Variants in RAD54L2 observed in about 807,000 individuals in gnomAD.
The protein encoded by RAD54L2 is RAD54 like 2, also known as helicase ARIP4.
Under a neutral mutation model 138.4 loss-of-function variants are expected in RAD54L2, and 27 were observed. The ratio of observed to expected loss-of-function variants is 0.20; its 90% CI spans 0.14 to 0.27. The LOEUF is 0.27. Ranked by LOEUF, RAD54L2 falls within the 10% of genes least tolerant of loss-of-function variation. RAD54L2 has a pLI of 1.00. For synonymous variants in RAD54L2, 644 were observed against 723.2 expected (o/e 0.89, Z 1.76); for missense variants, 1,396 against 1,890.2 (o/e 0.74, Z 4.85).
At chr3:51,590,136 G>A (rs1047643138) in intron 2 of RAD54L2, among the ~76,000 whole-genome samples, 4 of 152,080 alleles carry the variant, frequency 2.6e-5, no homozygotes, top group African/African-American at 9.7e-5. Flanking sequence ...GATTACAGGT[G>A]TGTGCCACCA....
At chr3:51,619,961 C>G (rs1700530912) in intron 3 of RAD54L2, among the ~76,000 whole-genome samples, 1 of 152,158 alleles carries the variant, frequency 6.6e-6, no homozygotes, top group South Asian at 2.1e-4. Context: ...TTTTTGTAAA[C>G]TAAGAGTGAG....
chr3:51,577,853 G>T (rs1039015982), intron 2 of RAD54L2, among the ~76,000 whole-genome samples: 23 of 152,086 alleles, frequency 1.5e-4, no homozygotes, highest in African/African-American at 5.6e-4. Flanking sequence ...TGTCGCTTAC[G>T]CTGGGAGCTG....
At chr3:51,569,910 C>T (rs908840737) in intron 2 of RAD54L2, among the ~76,000 whole-genome samples, 18 of 152,084 alleles carry the variant, frequency 1.2e-4, no homozygotes, top group African/African-American at 4.3e-4. Context: ...TCACAATTCA[C>T]TGCAGCCTTG....
intron 7 of RAD54L2, among the ~76,000 whole-genome samples, chr3:51,632,018 A>AT (rs569610614): frequency 1.9e-4 from 29 of 151,682 alleles, no homozygotes; most frequent in Admixed American, 5.9e-4. Context: ...TTACCATTCT[A>AT]TTTTCTACTT....
In RAD54L2 at chr3:51,655,913, G is replaced by A; in HGVS notation, c.3027-58G>A. 6 of 1,462,038 alleles carry A rather than the reference G, an allele frequency of 4.1e-6. No homozygotes were observed. The South Asian group carries it at 7.8e-5, about 19-fold the overall frequency. The allele number at this position is 1,462,038 out of a possible 1,614,324, so 90.6% of individuals were successfully genotyped here. A position where few individuals can be genotyped will look rare whatever the true frequency, so the allele number is the denominator to read the frequency against. On this transcript the variant is annotated intron_variant, in intron 19 of 22. Transcript: ENST00000684192. ...AGCCTAGAAAGGCTCTGTAGCCTTT[G>A]GAAAAGGTAACAGTTGTTCTGCCAA...
intron 3 of RAD54L2, among the ~76,000 whole-genome samples, chr3:51,600,705 G>A (rs558587753): frequency 2.0e-5 from 3 of 152,236 alleles, no homozygotes; most frequent in Admixed American, 1.3e-4. Flanking sequence ...GGTGGCTCAC[G>A]CCTGTAATCT....
intron 2 of RAD54L2, among the ~76,000 whole-genome samples, chr3:51,561,650 C>T (rs984465129): frequency 1.3e-5 from 2 of 151,862 alleles, no homozygotes; most frequent in South Asian, 4.2e-4. Flanking sequence ...CAGCCTCAAC[C>T]TCCCAGGCTC....
At position 51,639,885 on chromosome 3, in the gene RAD54L2, A is replaced by C. The variant is rs1328774980; in HGVS notation, c.2117A>C (p.Lys706Thr). 8 of 1,600,096 alleles carry C rather than the reference A, an allele frequency of 5.0e-6. No individual in the cohort carries two copies. The highest frequency in any genetic ancestry group is 6.8e-6 in the Non-Finnish European group (8 of 1,169,570). The part of the protein sequence containing the change: ...GNNIVTYEWA[K>T]DLLTNYQTGV... ...TGCCTTGTTTCTCTCTTGCAGGCCA[A>C]GGACCTTCTGACTAATTACCAGACT... Residue 706 changes from lysine (K) to threonine (T), a missense_variant, in exon 14 of 23, where the codon AAG becomes ACG. By Grantham distance (78) the Lys-to-Thr change is moderately conservative. Transcript: ENST00000684192.
chr3:51,545,931 C>CTTTTTTT (rs781819728), intron 2 of RAD54L2, among the ~76,000 whole-genome samples: 7 of 79,450 alleles, frequency 8.8e-5, no homozygotes, highest in African/African-American at 2.0e-4. Flanking sequence ...TACATCAATT[C>CTTTTTTT]TTTTTTTTTT....
intron 19 of RAD54L2, among the ~76,000 whole-genome samples, chr3:51,653,563 A>G (rs2106841020): frequency 6.6e-6 from 1 of 152,376 alleles, no homozygotes; most frequent in African/African-American, 2.4e-5. Flanking sequence ...TGAATTAAGA[A>G]AATGTGGCAC....
At chr3:51,635,290 T>TGAC (rs1700958067) in intron 9 of RAD54L2, among the ~76,000 whole-genome samples, 2 of 152,208 alleles carry the variant, frequency 1.3e-5, no homozygotes, top group Non-Finnish European at 2.9e-5. Context: ...CATGCCTGAA[T>TGAC]ATCCAAGGGG....
chr3:51,548,252 G>A (rs138054025), intron 2 of RAD54L2, among the ~76,000 whole-genome samples: 23 of 151,866 alleles, frequency 1.5e-4, no homozygotes, highest in African/African-American at 4.8e-4. Flanking sequence ...GCAGTGGCAC[G>A]ATCTCAGCTC....
At chr3:51,652,350 A>G (rs770291474) in intron 19 of RAD54L2, among the ~76,000 whole-genome samples, 31 of 152,232 alleles carry the variant, frequency 2.0e-4, no homozygotes, top group Admixed American at 1.9e-3. Context: ...GAAAATGGCC[A>G]TACTGCCCAA....
intron 2 of RAD54L2, among the ~76,000 whole-genome samples, chr3:51,553,186 T>G (rs1045078868): frequency 1.3e-5 from 2 of 152,152 alleles, no homozygotes; most frequent in African/African-American, 4.8e-5. Context: ...CAAGTGATTC[T>G]CCTGCCTCAG....
intron 3 of RAD54L2, among the ~76,000 whole-genome samples, chr3:51,611,880 C>T (rs1483681336): frequency 3.9e-5 from 6 of 152,004 alleles, no homozygotes; most frequent in East Asian, 1.9e-4. Flanking sequence ...TCATACAGTA[C>T]TTTTGAATGA....
rs182308457 is a variant in RAD54L2, at chr3:51,599,117, C to A, written c.139+8558C>A. Among the ~76,000 whole-genome samples, 1,409 of 152,240 alleles carry A rather than the reference C, an allele frequency of 9.3e-3. 10 individuals carry two copies. The highest frequency in any genetic ancestry group is 0.014 in the Non-Finnish European group (956 of 68,018). ...AGTGTTAGAATTGATTTGGAGGACA[C>A]CTAGCTGATACCTACTGCAGAATTA... On this transcript the variant is annotated intron_variant, in intron 3 of 22. Transcript: ENST00000684192.
intron 18 of RAD54L2, 102 bp from the exon 19 acceptor site, chr3:51,646,183 C>T (rs926847043): frequency 2.0e-5 from 21 of 1,055,492 alleles, no homozygotes; most frequent in East Asian, 1.0e-4. Flanking sequence ...GCAGTCTCTT[C>T]GCTAGTGCTG....
chr3:51,641,929 C>T (rs1343353189), intron 15 of RAD54L2, 62 bp downstream of exon 15: 7 of 1,153,076 alleles, frequency 6.1e-6, no homozygotes, highest in Non-Finnish European at 6.3e-6. Flanking sequence ...GTTTCCTTTC[C>T]TTCTCTCTCT....
At chr3:51,612,567 C>A (rs1700353767) in intron 3 of RAD54L2, among the ~76,000 whole-genome samples, 1 of 151,958 alleles carries the variant, frequency 6.6e-6, no homozygotes, top group Non-Finnish European at 1.5e-5. Context: ...CAGTGTTTTA[C>A]ATATTTGTAA....
Sources: gnomAD v4.1 joint callset for allele counts (sites outside exome capture counted in the v4.1 genomes callset) on GRCh38, gnomAD v4.1.1 for gene constraint, MANE v1.5 for transcripts, NCBI Gene and HGNC (gene_info 2026-07-23, HGNC 2026-07-21) for gene names.